LUZP2: variants seen among roughly 807,000 people sequenced by gnomAD.
The protein encoded by LUZP2 is leucine zipper protein 2.
In LUZP2, 52 loss-of-function variants were observed where a neutral mutation model predicts 51.6. The ratio of observed to expected loss-of-function variants is 1.01; its 90% CI spans 0.81 to 1.27. The LOEUF (loss-of-function observed/expected upper bound fraction) is 1.27. LUZP2 is among the 50% of genes most tolerant of loss of function. The pLI, the probability that LUZP2 is intolerant of heterozygous loss-of-function variation, is 0.00. For missense variants in LUZP2, 436 were observed against 395.4 expected (o/e 1.10, Z -0.87); for synonymous variants, 154 against 137.3 (o/e 1.12, Z -0.85).
At chr11:24,670,449 G>C (rs1251302128) in intron 1 of LUZP2, among the ~76,000 whole-genome samples, 1 of 151,876 alleles carries the variant, frequency 6.6e-6, no homozygotes, top group Non-Finnish European at 1.5e-5. Flanking sequence ...GTAAACTTAG[G>C]CCCGGTTGAC....
chr11:24,711,192 G>A (rs757723382), intron 1 of LUZP2, among the ~76,000 whole-genome samples: 1 of 152,186 alleles, frequency 6.6e-6, no homozygotes, highest in Non-Finnish European at 1.5e-5. Flanking sequence ...GCTGATGCCT[G>A]TAATCCCAGC....
At chr11:24,592,445 A>T (rs934062826) in intron 1 of LUZP2, among the ~76,000 whole-genome samples, 4 of 152,184 alleles carry the variant, frequency 2.6e-5, no homozygotes, top group Non-Finnish European at 4.4e-5. Flanking sequence ...GAGCAAAAGC[A>T]TGTGGCATGC....
Position 24,717,582 on chromosome 11 carries a change from T to A in LUZP2, c.63-11587T>A, listed in dbSNP as rs533534299. 5.7e-5 allele frequency among the ~76,000 whole-genome samples: 7 copies of A among 121,756 alleles called. No homozygotes were observed. In the South Asian group the frequency reaches 1.7e-3, roughly 29 times the overall value. 79.9% of individuals were successfully genotyped at this position (121,756 alleles called of 152,430 possible). ...GCCACCACGCCCGGCTAATTTTTTG[T>A]ATTTTTTTTTTTTTAGTAGAGACAG... On this transcript the variant is annotated intron_variant, in intron 1 of 11. Coordinates refer to ENST00000336930, the MANE Select transcript of LUZP2 (RefSeq NM_001009909.4).
chr11:24,957,197 G>A (rs550616675), intron 7 of LUZP2, among the ~76,000 whole-genome samples: 2 of 152,138 alleles, frequency 1.3e-5, no homozygotes, highest in African/African-American at 2.4e-5. Context: ...GTTATCTTTC[G>A]CTTATTCTCT....
intron 1 of LUZP2, among the ~76,000 whole-genome samples, chr11:24,656,727 C>T (rs1590303671): frequency 6.6e-6 from 1 of 152,180 alleles, no homozygotes; most frequent in Admixed American, 6.5e-5. Flanking sequence ...GCTTAAGGCT[C>T]CTTTTCTCCA....
intron 5 of LUZP2, among the ~76,000 whole-genome samples, chr11:24,858,761 T>G (rs1851644495): frequency 6.6e-6 from 1 of 152,030 alleles, no homozygotes; most frequent in Admixed American, 6.5e-5. Flanking sequence ...TGGCACTATT[T>G]GAAGAAAGGG....
intron 4 of LUZP2, among the ~76,000 whole-genome samples, chr11:24,752,959 A>G (rs1025327452): frequency 6.6e-6 from 1 of 152,132 alleles, no homozygotes; most frequent in Non-Finnish European, 1.5e-5. Context: ...CATAAGCAAG[A>G]TAGGAAAATA....
At chr11:24,760,728 G>T (rs983758983) in intron 4 of LUZP2, among the ~76,000 whole-genome samples, 5 of 152,142 alleles carry the variant, frequency 3.3e-5, no homozygotes, top group Non-Finnish European at 4.4e-5. Context: ...AAGCCCAGGA[G>T]TCAGATGTGA....
At chr11:24,612,295 A>C (rs1278247618) in intron 1 of LUZP2, among the ~76,000 whole-genome samples, 3 of 152,130 alleles carry the variant, frequency 2.0e-5, no homozygotes, top group African/African-American at 7.2e-5. Flanking sequence ...GGTTTGATGG[A>C]AGTTAATTTT....
chr11:24,949,196 C>T (rs1854999642), intron 7 of LUZP2, among the ~76,000 whole-genome samples: 1 of 151,230 alleles, frequency 6.6e-6, no homozygotes, highest in Non-Finnish European at 1.5e-5. Flanking sequence ...TCCTCTTTTC[C>T]ACTCTTTGTT....
intron 5 of LUZP2, among the ~76,000 whole-genome samples, chr11:24,875,677 C>A (rs144329294): frequency 0.47 from 69,183 of 147,840 alleles, 16,557 homozygotes; most frequent in East Asian, 0.68. Flanking sequence ...GGAATCGCCA[C>A]ACTGACTTCC....
chr11:24,741,866 T>C (rs1859158949), intron 4 of LUZP2, among the ~76,000 whole-genome samples: 1 of 135,926 alleles, frequency 7.4e-6, no homozygotes, highest in African/African-American at 3.0e-5. Context: ...TATAAATGTA[T>C]ATATATTTAT....
At chr11:24,708,767 G>A (rs1484715057) in intron 1 of LUZP2, among the ~76,000 whole-genome samples, 5 of 152,188 alleles carry the variant, frequency 3.3e-5, no homozygotes, top group African/African-American at 1.2e-4. Context: ...CAGAACGCAT[G>A]ATGAATAACA....
At chr11:24,682,689 G>A (rs931665819) in intron 1 of LUZP2, among the ~76,000 whole-genome samples, 14 of 151,232 alleles carry the variant, frequency 9.3e-5, no homozygotes, top group African/African-American at 3.2e-4. Context: ...TAAGGAAGGT[G>A]TTGATGACTA....
chr11:25,020,796 TA>T (rs1345209233), intron 9 of LUZP2, among the ~76,000 whole-genome samples: 8 of 151,748 alleles, frequency 5.3e-5, no homozygotes, highest in Non-Finnish European at 1.2e-4. Flanking sequence ...TTTAATAACT[TA>T]AAATTATTCA....
At chr11:24,963,000 G>A (rs960015590) in intron 7 of LUZP2, among the ~76,000 whole-genome samples, 1 of 152,198 alleles carries the variant, frequency 6.6e-6, no homozygotes, top group Non-Finnish European at 1.5e-5. Context: ...GTCAGCTGCA[G>A]GTCTGTTGGA....
chr11:24,852,706 T>G (rs1851434638), intron 5 of LUZP2, among the ~76,000 whole-genome samples: 1 of 151,658 alleles, frequency 6.6e-6, no homozygotes, highest in South Asian at 2.1e-4. Flanking sequence ...TGTGGGAGTC[T>G]AAGTCTTTTT....
At position 24,771,013 on chromosome 11, in the gene LUZP2, G is replaced by A. The variant is rs1860395447; in HGVS notation, c.396+7705G>A. On this transcript the variant is annotated intron_variant, in intron 5 of 11. Coordinates refer to ENST00000336930, the MANE Select transcript of LUZP2 (RefSeq NM_001009909.4). ...GATAGCATTTAGCCTATTTTCTCAA[G>A]TAACAAATTCCTGTATCCACATATT... 2.6e-5 allele frequency among the ~76,000 whole-genome samples: 4 copies of A among 152,174 alleles called. No homozygotes were observed. The South Asian group carries it at 8.3e-4, about 32-fold the overall frequency.
chr11:24,536,088 C>T (rs148366298), intron 1 of LUZP2, among the ~76,000 whole-genome samples: 216 of 151,810 alleles, frequency 1.4e-3, no homozygotes, highest in Admixed American at 2.8e-3. Context: ...TAGTTCTCCA[C>T]ACAAGTCTTA....
Sources: allele counts gnomAD v4.1 joint callset (sites outside exome capture counted in the v4.1 genomes callset), GRCh38; gene constraint gnomAD v4.1.1; transcripts MANE v1.5; gene names NCBI Gene and HGNC (gene_info 2026-07-23, HGNC 2026-07-21).